FHIP1A: variants seen among roughly 807,000 people sequenced by gnomAD.
The protein encoded by FHIP1A is FHF complex subunit HOOK-interacting protein 1A.
In FHIP1A, 61 loss-of-function variants were observed where a neutral mutation model predicts 88.6. The ratio of observed to expected loss-of-function variants is 0.69; its 90% CI spans 0.56 to 0.85. The LOEUF is 0.85. Among genes scored for constraint, FHIP1A ranks in the 40% least tolerant of loss-of-function variants. FHIP1A has a pLI of 0.00. For missense variants in FHIP1A, 1,154 were observed against 1,273.5 expected, an observed-to-expected ratio of 0.91 and a Z score of 1.43; for synonymous variants, 478 against 496.0, an observed-to-expected ratio of 0.96 and a Z score of 0.48.
intron 1 of FHIP1A, among the ~76,000 whole-genome samples, chr4:151,435,115 A>G (rs935769701): frequency 4.6e-5 from 7 of 152,182 alleles, no homozygotes; most frequent in African/African-American, 1.7e-4. Flanking sequence ...TGTTGGGAAC[A>G]TTCCAATTCT....
chr4:151,662,739 G>A lies in FHIP1A; in HGVS notation c.3108G>A (p.Glu1036=). 6.6e-7 allele frequency: 1 copy of A among 1,518,468 alleles called. No individual in the cohort carries two copies. The allele number at this position is 1,518,468 out of a possible 1,614,324, so 94.1% of individuals were successfully genotyped here. The change falls in exon 14 of 14, where the codon GAG becomes GAA. Residue 1036 remains glutamate (E), a synonymous_variant. Transcript: ENST00000435205. ...ILCYKILGDF[E]DSCC is the part of the protein sequence containing the mutation. Reference sequence around the variant, plus strand: ...GCTACAAGATCTTGGGTGACTTTGAGGACTCCTGCTGTTAGCTTTTTTTTT... The same window carrying A: ...GCTACAAGATCTTGGGTGACTTTGAAGACTCCTGCTGTTAGCTTTTTTTTT...
Position 151,649,628 on chromosome 4 carries a change from C to A in FHIP1A, c.1587C>A (p.Ser529=). The A allele has an allele frequency of 1.3e-6, 2 of 1,551,708 alleles. No homozygotes were observed. Among genetic ancestry groups the A allele is most frequent in the East Asian group, 4.9e-5 (2 of 40,922 alleles). The part of the protein sequence containing the change: ...RVWSALYDGD[S]PDPEMFLQSL... ...GGTCCGCCCTGTATGATGGCGACTCCCCCGACCCTGAGATGTTTCTCCAGA... is the reference window on the plus strand; with the variant it reads ...GGTCCGCCCTGTATGATGGCGACTCACCCGACCCTGAGATGTTTCTCCAGA... The change falls in exon 11 of 14, where the codon TCC becomes TCA. Residue 529 remains serine, a synonymous_variant. Transcript: ENST00000435205.
chr4:151,541,948 C>G (rs938197645), intron 3 of FHIP1A, among the ~76,000 whole-genome samples: 1 of 152,124 alleles, frequency 6.6e-6, no homozygotes, highest in Non-Finnish European at 1.5e-5. Flanking sequence ...AAAAAGGGGT[C>G]CCTGGAGAAT....
Position 151,666,696 on chromosome 4 carries a change from T to C in FHIP1A, c.*3942T>C, listed in dbSNP as rs993960257. Reference sequence around the variant, plus strand: ...TCATGTGGACTGATTCCCAGGTCTGTTTGAGGTTTAGGGTTGTGGATGGGC... The same window carrying C: ...TCATGTGGACTGATTCCCAGGTCTGCTTGAGGTTTAGGGTTGTGGATGGGC... On this transcript the variant is annotated 3_prime_UTR_variant, in exon 14 of 14. Transcript: ENST00000435205. 1.5e-4 allele frequency among the ~76,000 whole-genome samples: 23 copies of C among 152,124 alleles called. No individual in the cohort carries two copies. Among genetic ancestry groups the C allele is most frequent in the Admixed American group, 1.4e-3 (21 of 15,278 alleles).
intron 1 of FHIP1A, among the ~76,000 whole-genome samples, chr4:151,437,803 A>C (rs1232605972): frequency 6.6e-6 from 1 of 152,224 alleles, no homozygotes; most frequent in Non-Finnish European, 1.5e-5. Flanking sequence ...GATGAACCTC[A>C]TTAACTAAAG....
intron 9 of FHIP1A, 150 bp downstream of exon 9, chr4:151,638,906 C>T (rs924836486): frequency 2.6e-5 from 11 of 429,280 alleles, no homozygotes; most frequent in South Asian, 7.4e-5. Flanking sequence ...AAAATTATCA[C>T]GAACATTAAT....
At chr4:151,586,461 C>G (rs902898180) in intron 5 of FHIP1A, among the ~76,000 whole-genome samples, 180 bp from the exon 6 acceptor site, 6 of 152,170 alleles carry the variant, frequency 3.9e-5, no homozygotes, top group African/African-American at 1.4e-4. Flanking sequence ...AGTTGTCCTT[C>G]CCTACTGTCT....
chr4:151,437,960 T>C (rs1728262965), intron 1 of FHIP1A, among the ~76,000 whole-genome samples: 1 of 152,196 alleles, frequency 6.6e-6, no homozygotes, highest in African/African-American at 2.4e-5. Context: ...GTTATTCAAG[T>C]CATGATTCTA....
intron 7 of FHIP1A, among the ~76,000 whole-genome samples, chr4:151,602,727 G>A (rs769560410): frequency 3.3e-5 from 5 of 152,138 alleles, no homozygotes; most frequent in South Asian, 4.1e-4. Flanking sequence ...GTCAGATAAG[G>A]GGCTCAGGAA....
chr4:151,466,449 C>T (rs1437981315), intron 2 of FHIP1A, among the ~76,000 whole-genome samples: 1 of 152,098 alleles, frequency 6.6e-6, no homozygotes, highest in Non-Finnish European at 1.5e-5. Flanking sequence ...TCAAACTACC[C>T]TTGACTTTCT....
At chr4:151,583,192 A>T (rs1734087296) in intron 5 of FHIP1A, among the ~76,000 whole-genome samples, 2 of 152,190 alleles carry the variant, frequency 1.3e-5, no homozygotes, top group Admixed American at 1.3e-4. Context: ...GGAAGGGAGG[A>T]TATAAATACC....
intron 3 of FHIP1A, among the ~76,000 whole-genome samples, chr4:151,547,734 C>G (rs1000317828): frequency 2.6e-5 from 4 of 151,940 alleles, no homozygotes; most frequent in Non-Finnish European, 5.9e-5. Flanking sequence ...GCCAACATGG[C>G]GAAACGCTGT....
chr4:151,508,509 A>G (rs952815296), intron 3 of FHIP1A, among the ~76,000 whole-genome samples: 1 of 152,332 alleles, frequency 6.6e-6, no homozygotes, highest in Middle Eastern at 3.4e-3. Flanking sequence ...AGCTATAGGT[A>G]AATGATGAGT....
At position 151,528,698 on chromosome 4, in the gene FHIP1A, G is replaced by A. The variant is rs1056718184; in HGVS notation, c.-122-37440G>A. ...AACTTTGCTTTTAGGTTTTTTCACT[G>A]TTGTCGTTTGGTTTTTGTTTGGAGG... On this transcript the variant is annotated intron_variant, in intron 3 of 13. Coordinates refer to ENST00000435205, the MANE Select transcript of FHIP1A (RefSeq NM_001109977.3). 3.9e-5 allele frequency among the ~76,000 whole-genome samples: 6 copies of A among 152,122 alleles called. No homozygotes were observed. The East Asian group carries it at 5.8e-4, about 15-fold the overall frequency.
chr4:151,630,480 G>T lies in FHIP1A; in HGVS notation c.1146+611G>T, dbSNP rs568644148. Among the ~76,000 whole-genome samples the T allele has an allele frequency of 1.5e-4, 23 of 152,176 alleles. No homozygotes were observed. In the East Asian group the frequency reaches 4.1e-3, roughly 27 times the overall value. On this transcript the variant is annotated intron_variant, in intron 8 of 13. Coordinates refer to ENST00000435205, the MANE Select transcript of FHIP1A (RefSeq NM_001109977.3). The stretch of plus-strand genomic sequence containing the variant: ...AATATATAACAATAATTGCACAAAG[G>T]GGGGAAGAGGGAATAGACTTATATA...
At chr4:151,622,935 A>T (rs543984536) in intron 7 of FHIP1A, among the ~76,000 whole-genome samples, 2 of 152,326 alleles carry the variant, frequency 1.3e-5, no homozygotes, top group Non-Finnish European at 2.9e-5. Flanking sequence ...ATACTCTAAT[A>T]AATTATATCA....
chr4:151,415,259 T>A (rs1377367480), intron 1 of FHIP1A, among the ~76,000 whole-genome samples: 1 of 151,936 alleles, frequency 6.6e-6, no homozygotes, highest in Non-Finnish European at 1.5e-5. Flanking sequence ...CAATGTCAGC[T>A]CACTGCAACC....
At chr4:151,528,053 G>C (rs1384127947) in intron 3 of FHIP1A, among the ~76,000 whole-genome samples, 2 of 152,198 alleles carry the variant, frequency 1.3e-5, no homozygotes, top group South Asian at 2.1e-4. Context: ...ACCCAGGCCA[G>C]TGGCTTCAGA....
chr4:151,642,467 C>A (rs1736622891), intron 9 of FHIP1A, among the ~76,000 whole-genome samples: 1 of 151,930 alleles, frequency 6.6e-6, no homozygotes, highest in South Asian at 2.1e-4. Flanking sequence ...ACAACAACAA[C>A]AACAACAACA....
Sources: allele counts gnomAD v4.1 joint callset (sites outside exome capture counted in the v4.1 genomes callset), GRCh38; gene constraint gnomAD v4.1.1; transcripts MANE v1.5; gene names NCBI Gene and HGNC (gene_info 2026-07-23, HGNC 2026-07-21).